The following CCDC192 variants were observed in gnomAD, a reference collection of about 807,000 sequenced individuals.
CCDC192 encodes coiled-coil domain containing 192.
intron 3 of CCDC192, among the ~76,000 whole-genome samples, chr5:127,767,273 A>G (rs1199829951): frequency 6.6e-6 from 1 of 152,170 alleles, no homozygotes; most frequent in Non-Finnish European, 1.5e-5. Context: ...TTCTGGTGGG[A>G]CGAGAAAGGG....
intron 5 of CCDC192, among the ~76,000 whole-genome samples, chr5:127,866,066 G>A (rs149018302): frequency 2.0e-5 from 3 of 152,148 alleles, no homozygotes; most frequent in East Asian, 3.9e-4. Flanking sequence ...ACTGTTGAAC[G>A]CTATCTGCGG....
chr5:127,786,402 G>T, intron 3 of CCDC192: 1 of 621,780 alleles, frequency 1.6e-6, no homozygotes, highest in Non-Finnish European at 3.0e-6. Flanking sequence ...CTTTGCAAAT[G>T]CATCATCTTC....
chr5:127,817,690 C>T (rs10064167), intron 5 of CCDC192, among the ~76,000 whole-genome samples: 3,139 of 152,092 alleles, frequency 0.021, 116 homozygotes, highest in African/African-American at 0.072. Context: ...TTCTGGACTC[C>T]GTAGTGATAG....
chr5:127,823,059 T>C (rs776195743), intron 5 of CCDC192, among the ~76,000 whole-genome samples: 11 of 152,206 alleles, frequency 7.2e-5, no homozygotes, highest in Non-Finnish European at 1.3e-4. Flanking sequence ...TAACCCTGCC[T>C]ATCAGCTCTG....
At chr5:127,787,505 T>C (rs1264869130) in intron 3 of CCDC192, among the ~76,000 whole-genome samples, 1 of 152,194 alleles carries the variant, frequency 6.6e-6, no homozygotes, top group Admixed American at 6.5e-5. Context: ...TGTTTAAGAG[T>C]GTGTTATTTC....
chr5:127,834,792 CATT>C (rs1289790556), intron 5 of CCDC192, among the ~76,000 whole-genome samples: 1 of 152,160 alleles, frequency 6.6e-6, no homozygotes, highest in African/African-American at 2.4e-5. Context: ...TCTGCAAAAA[CATT>C]ATCATCTAAT....
intron 6 of CCDC192, among the ~76,000 whole-genome samples, chr5:127,907,484 C>A (rs1210987869): frequency 6.6e-6 from 1 of 151,704 alleles, no homozygotes; most frequent in Non-Finnish European, 1.5e-5. Flanking sequence ...AAAAACTATT[C>A]TAATTATTTA....
chr5:127,851,862 A>G (rs1186703880), intron 5 of CCDC192, among the ~76,000 whole-genome samples: 2 of 152,202 alleles, frequency 1.3e-5, no homozygotes, highest in African/African-American at 4.8e-5. Flanking sequence ...TTGAGCCCAC[A>G]CATCTGTCTA....
Position 127,801,172 on chromosome 5 carries a change from G to T in CCDC192, c.411+3010G>T, listed in dbSNP as rs1283384919. ...GAAGAGAAAGGGGATTTAAAAACCA[G>T]GGTGGTAGGAATGGAACACTGAAGA... is the stretch of plus-strand genomic sequence containing the variant. On this transcript the variant is annotated intron_variant, in intron 5 of 6. Transcript: ENST00000514853. Among the ~76,000 whole-genome samples, 4 of 152,270 alleles carry T rather than the reference G, an allele frequency of 2.6e-5. No individual in the cohort carries two copies. In the East Asian group the frequency reaches 7.7e-4, roughly 29 times the overall value.
At chr5:127,794,475 G>T (rs1255667789) in intron 3 of CCDC192, among the ~76,000 whole-genome samples, 1 of 152,104 alleles carries the variant, frequency 6.6e-6, no homozygotes, top group East Asian at 1.9e-4. Flanking sequence ...AAAACAAAAG[G>T]CTCTGCAGAC....
At chr5:127,743,443 T>C (rs757401560) in intron 2 of CCDC192, among the ~76,000 whole-genome samples, 33 of 152,272 alleles carry the variant, frequency 2.2e-4, no homozygotes, top group Non-Finnish European at 4.1e-4. Context: ...CATTCTTCAT[T>C]TAAAGATGAA....
At chr5:127,813,396 T>C (rs1758189855) in intron 5 of CCDC192, among the ~76,000 whole-genome samples, 1 of 152,218 alleles carries the variant, frequency 6.6e-6, no homozygotes. Context: ...CAATACCCTC[T>C]TTTGCAAAAT....
intron 2 of CCDC192, among the ~76,000 whole-genome samples, chr5:127,753,433 C>G (rs538746768): frequency 6.6e-6 from 1 of 152,258 alleles, no homozygotes; most frequent in East Asian, 1.9e-4. Context: ...CGCAGTGGCT[C>G]ACACCTGCAA....
chr5:127,714,131 T>C (rs1303448858), intron 2 of CCDC192, among the ~76,000 whole-genome samples: 1 of 152,204 alleles, frequency 6.6e-6, no homozygotes, highest in East Asian at 1.9e-4. Flanking sequence ...CTTATCATGA[T>C]GTCCTCCAGG....
chr5:127,764,198 T>G (rs1755084696), intron 3 of CCDC192, among the ~76,000 whole-genome samples: 1 of 152,230 alleles, frequency 6.6e-6, no homozygotes, highest in African/African-American at 2.4e-5. Context: ...CATTCTGATC[T>G]GTGCTCAAGA....
At chr5:127,846,956 C>G (rs1750581475) in intron 5 of CCDC192, among the ~76,000 whole-genome samples, 3 of 152,038 alleles carry the variant, frequency 2.0e-5, no homozygotes. Context: ...CCCTGCTCAG[C>G]ATTTCCACAG....
At chr5:127,781,873 G>A (rs1756245911) in intron 3 of CCDC192, among the ~76,000 whole-genome samples, 1 of 152,142 alleles carries the variant, frequency 6.6e-6, no homozygotes, top group Non-Finnish European at 1.5e-5. Context: ...CCAGTACTAT[G>A]CTGAAGAGGA....
chr5:127,821,624 A>T lies in CCDC192; in HGVS notation c.411+23462A>T, dbSNP rs573804679. Among the ~76,000 whole-genome samples the T allele has an allele frequency of 6.6e-5, 10 of 152,344 alleles. No homozygotes were observed. In the South Asian group the frequency reaches 1.0e-3, roughly 16 times the overall value. ...GAGTTTGCCCAGGCATCCTGCAGGA[A>T]GTCTTAAAGCCCAGCTCAGAACCTA... On this transcript the variant is annotated intron_variant, in intron 5 of 6. Coordinates refer to ENST00000514853, the MANE Select transcript of CCDC192 (RefSeq NM_001317938.2).
intron 5 of CCDC192, among the ~76,000 whole-genome samples, chr5:127,825,006 C>G (rs962774278): frequency 3.3e-5 from 5 of 152,130 alleles, no homozygotes; most frequent in African/African-American, 1.2e-4. Context: ...ATCTGGATAC[C>G]TAAACTGGAA....
Sources: gnomAD v4.1 joint callset for allele counts (sites outside exome capture counted in the v4.1 genomes callset) on GRCh38, gnomAD v4.1.1 for gene constraint, MANE v1.5 for transcripts, NCBI Gene and HGNC (gene_info 2026-07-23, HGNC 2026-07-21) for gene names.